SERTM1: variants seen among roughly 807,000 people sequenced by gnomAD.
SERTM1 encodes serine-rich and transmembrane domain-containing protein 1.
Under a neutral mutation model 5.5 loss-of-function variants are expected in SERTM1, and 1 was observed. That is an observed-to-expected ratio of 0.18 (90% CI 0.06 to 0.86). SERTM1 has a LOEUF of 0.86. SERTM1 is among the 40% of genes least tolerant of loss of function. The pLI is 0.69. For missense variants in SERTM1, 91 were observed against 122.4 expected (o/e 0.74, Z 1.21); for synonymous variants, 52 against 55.1 (o/e 0.94, Z 0.25).
At chr13:36,692,027 T>C (rs1323364911) in intron 1 of SERTM1, among the ~76,000 whole-genome samples, 2 of 152,216 alleles carry the variant, frequency 1.3e-5, no homozygotes, top group African/African-American at 4.8e-5. Flanking sequence ...TGTTTCAGAG[T>C]ATGAAATGAA....
chr13:36,688,712 A>G (rs1015384451), intron 1 of SERTM1, among the ~76,000 whole-genome samples: 4 of 152,190 alleles, frequency 2.6e-5, no homozygotes. Flanking sequence ...AAATGCTGTA[A>G]TATCTTGAAA....
intron 1 of SERTM1, 55 bp from the exon 2 acceptor site, chr13:36,694,851 T>G: frequency 1.9e-6 from 1 of 525,296 alleles, no homozygotes. Flanking sequence ...AACCTAAAAA[T>G]GGAATTTAAA....
rs1566234536 is a variant in SERTM1, at chr13:36,697,337, A to ATATATATATATATATATAT, written c.*1935_*1936insTATATATATATATATATAT. On this transcript the variant is annotated 3_prime_UTR_variant, in exon 2 of 2. Transcript: ENST00000315190. ...AATATATATATATATATATATATAT[A>ATATATATATATATATATAT]AACTCACATACTCCCAATTAAAAGT... The ATATATATATATATATATAT allele has an allele frequency of 1.2e-5, 2 of 163,514 alleles. No homozygotes were observed. Among genetic ancestry groups the ATATATATATATATATATAT allele is most frequent in the African/African-American group, 4.9e-5 (2 of 40,624 alleles). The allele number at this position is 163,514 out of a possible 1,614,324, so 10.1% of individuals were successfully genotyped here.
chr13:36,686,361 T>C (rs943476956), intron 1 of SERTM1, among the ~76,000 whole-genome samples: 1 of 152,248 alleles, frequency 6.6e-6, no homozygotes, highest in Non-Finnish European at 1.5e-5. Context: ...ACATTTTGGC[T>C]GACTTAGCGC....
chr13:36,679,696 C>G (rs573247304), intron 1 of SERTM1, among the ~76,000 whole-genome samples: 37 of 152,236 alleles, frequency 2.4e-4, no homozygotes, highest in African/African-American at 8.9e-4. Context: ...TGTGACCCAC[C>G]GCACCTGACC....
intron 1 of SERTM1, among the ~76,000 whole-genome samples, chr13:36,680,743 T>C (rs1369785429): frequency 6.6e-6 from 1 of 152,154 alleles, no homozygotes; most frequent in Non-Finnish European, 1.5e-5. Flanking sequence ...TTGTTGTTGT[T>C]GTCGTTTTGT....
At chr13:36,692,039 T>C (rs2056782529) in intron 1 of SERTM1, among the ~76,000 whole-genome samples, 1 of 152,210 alleles carries the variant, frequency 6.6e-6, no homozygotes. Flanking sequence ...TGAAATGAAA[T>C]TTGTGTAGCT....
chr13:36,679,684 G>A (rs1382946832), intron 1 of SERTM1, among the ~76,000 whole-genome samples: 1 of 152,166 alleles, frequency 6.6e-6, no homozygotes, highest in Non-Finnish European at 1.5e-5. Flanking sequence ...TGGGATTACA[G>A]GTGTGACCCA....
intron 1 of SERTM1, among the ~76,000 whole-genome samples, chr13:36,693,277 C>T (rs1033606692): frequency 6.6e-6 from 1 of 152,196 alleles, no homozygotes; most frequent in Non-Finnish European, 1.5e-5. Context: ...ACCTCTGCAA[C>T]TCTTTGCTAT....
intron 1 of SERTM1, among the ~76,000 whole-genome samples, chr13:36,682,149 T>C (rs961815294): frequency 6.6e-6 from 1 of 152,188 alleles, no homozygotes; most frequent in Non-Finnish European, 1.5e-5. Flanking sequence ...AAATAAACAT[T>C]CTTTTGCCTG....
chr13:36,692,075 G>A (rs72621286), intron 1 of SERTM1, among the ~76,000 whole-genome samples: 9,428 of 152,142 alleles, frequency 0.062, 518 homozygotes, highest in East Asian at 0.26. Flanking sequence ...GAAGTACCCC[G>A]GAAATGGTAT....
At chr13:36,689,527 TAATA>T (rs1277665679) in intron 1 of SERTM1, among the ~76,000 whole-genome samples, 1 of 147,706 alleles carries the variant, frequency 6.8e-6, no homozygotes, top group Non-Finnish European at 1.5e-5. Flanking sequence ...ATAATAATAA[TAATA>T]ATAATAATAA....
chr13:36,680,638 GCTAAAGA>G (rs1292984215), intron 1 of SERTM1, among the ~76,000 whole-genome samples: 1 of 152,112 alleles, frequency 6.6e-6, no homozygotes, highest in East Asian at 1.9e-4. Flanking sequence ...TTTCCTGATT[GCTAAAGA>G]CTTGTAGCTC....
At chr13:36,689,193 T>C (rs1355378829) in intron 1 of SERTM1, among the ~76,000 whole-genome samples, 1 of 152,120 alleles carries the variant, frequency 6.6e-6, no homozygotes, top group Non-Finnish European at 1.5e-5. Flanking sequence ...GATGTAAACA[T>C]ACTAAAAAAT....
intron 1 of SERTM1, among the ~76,000 whole-genome samples, chr13:36,677,494 G>A (rs2056677730): frequency 1.3e-5 from 2 of 152,182 alleles, no homozygotes; most frequent in South Asian, 4.1e-4. Context: ...TAATCTGGAA[G>A]GGTCTGGAAA....
intron 1 of SERTM1, among the ~76,000 whole-genome samples, chr13:36,687,847 G>A (rs1448962680): frequency 6.6e-6 from 1 of 152,176 alleles, no homozygotes. Context: ...TAGCCTGGAT[G>A]CCTGTGAGAG....
intron 1 of SERTM1, 59 bp downstream of exon 1, chr13:36,674,243 G>A (rs1227900385): frequency 1.3e-5 from 2 of 152,098 alleles, no homozygotes; most frequent in East Asian, 1.9e-4. Context: ...CCTACGCGGA[G>A]AGCGCCCCAC....
intron 1 of SERTM1, among the ~76,000 whole-genome samples, chr13:36,682,145 A>G (rs908733670): frequency 6.6e-5 from 10 of 152,196 alleles, no homozygotes; most frequent in African/African-American, 2.2e-4. Flanking sequence ...TGTTAAATAA[A>G]CATTCTTTTG....
intron 1 of SERTM1, among the ~76,000 whole-genome samples, chr13:36,682,758 C>A (rs374513664): frequency 2.0e-5 from 3 of 152,148 alleles, no homozygotes; most frequent in Admixed American, 1.3e-4. Flanking sequence ...CTGTAGCTGG[C>A]AACTATACAA....
Sources: gnomAD v4.1 joint callset for allele counts (sites outside exome capture counted in the v4.1 genomes callset) on GRCh38, gnomAD v4.1.1 for gene constraint, MANE v1.5 for transcripts, NCBI Gene and HGNC (gene_info 2026-07-23, HGNC 2026-07-21) for gene names.